Variants in MIA2 observed in about 807,000 individuals in gnomAD.
MIA2 encodes melanoma inhibitory activity protein 2.
Under a neutral mutation model 167.8 loss-of-function variants are expected in MIA2, and 127 were observed. That is an observed-to-expected ratio of 0.76 (90% confidence interval 0.66 to 0.88). The LOEUF is 0.88. MIA2 is among the 40% of genes least tolerant of loss of function. The pLI, the probability that MIA2 is intolerant of heterozygous loss-of-function variation, is 0.00. For missense variants in MIA2, 1,690 were observed against 1,624.7 expected (o/e 1.04, Z -0.69); for synonymous variants, 552 against 541.9 (o/e 1.02, Z -0.26).
At chr14:39,331,134 C>A (rs2068766407) in intron 25 of MIA2, among the ~76,000 whole-genome samples, 2 of 152,024 alleles carry the variant, frequency 1.3e-5, no homozygotes, top group African/African-American at 2.4e-5. Flanking sequence ...TATGAATCTG[C>A]ATGCTCATGT....
At chr14:39,363,806 G>C (rs1165657171) in intron 23 of MIA2, among the ~76,000 whole-genome samples, 4 of 152,142 alleles carry the variant, frequency 2.6e-5, no homozygotes, top group Non-Finnish European at 5.9e-5. Flanking sequence ...CTTAAAGTCT[G>C]TTTTATCTCA....
chr14:39,363,663 A>G (rs1274038700), intron 23 of MIA2, among the ~76,000 whole-genome samples: 3 of 152,122 alleles, frequency 2.0e-5, no homozygotes, highest in Non-Finnish European at 2.9e-5. Flanking sequence ...ATCTAATAAT[A>G]TTTGCTTCAG....
intron 6 of MIA2, among the ~76,000 whole-genome samples, chr14:39,264,751 T>C (rs1316266822): frequency 6.6e-6 from 1 of 152,244 alleles, no homozygotes; most frequent in African/African-American, 2.4e-5. Flanking sequence ...TGACACTGCC[T>C]GTTTAATTAA....
intron 6 of MIA2, among the ~76,000 whole-genome samples, chr14:39,255,440 G>A (rs769800261): frequency 1.1e-4 from 17 of 152,172 alleles, no homozygotes; most frequent in African/African-American, 3.1e-4. Context: ...CCTGGGAAGC[G>A]GAGGTTGCAG....
In MIA2 at chr14:39,328,296, G is replaced by A. The variant is rs966843566; in HGVS notation, c.3655+1274G>A. ...TGAGAAGTGTCTGTTCATATCCTTCGCCCACTTTTTGTTGGGGTTGTTTGC... is the reference window on the plus strand; with the variant it reads ...TGAGAAGTGTCTGTTCATATCCTTCACCCACTTTTTGTTGGGGTTGTTTGC... On this transcript the variant is annotated intron_variant, in intron 25 of 28. Transcript: ENST00000640607. 2.0e-4 allele frequency among the ~76,000 whole-genome samples: 31 copies of A among 152,038 alleles called. 1 individual carries two copies. Among genetic ancestry groups the A allele is most frequent in the Admixed American group, 6.5e-4 (10 of 15,270 alleles).
At chr14:39,296,777 G>GTT (rs970660430) in intron 13 of MIA2, among the ~76,000 whole-genome samples, 1 of 145,574 alleles carries the variant, frequency 6.9e-6, no homozygotes, top group Non-Finnish European at 1.5e-5. Flanking sequence ...TCTTTTTGTT[G>GTT]TTTTTTTTTT....
At chr14:39,369,495 C>T (rs995792926) in intron 23 of MIA2, among the ~76,000 whole-genome samples, 1 of 152,228 alleles carries the variant, frequency 6.6e-6, no homozygotes, top group African/African-American at 2.4e-5. Flanking sequence ...CTTCAGGTTC[C>T]ATCAGGTAGA....
chr14:39,326,058 T>A (rs577536061), intron 24 of MIA2, among the ~76,000 whole-genome samples: 54 of 152,312 alleles, frequency 3.5e-4, no homozygotes, highest in Middle Eastern at 3.4e-3. Flanking sequence ...TCTGTGGTCG[T>A]AAGAAGGGAA....
chr14:39,386,731 C>G, intron 23 of MIA2: 1 of 1,341,316 alleles, frequency 7.5e-7, no homozygotes, highest in South Asian at 1.2e-5. Flanking sequence ...TATTTGTAAT[C>G]TGGTTCAGTT....
chr14:39,362,755 T>C (rs2074714635), intron 23 of MIA2, among the ~76,000 whole-genome samples: 1 of 152,172 alleles, frequency 6.6e-6, no homozygotes, highest in African/African-American at 2.4e-5. Context: ...TTCTGTTTCC[T>C]TGAGGTGCAT....
intron 9 of MIA2, among the ~76,000 whole-genome samples, chr14:39,289,465 G>C (rs2060427529): frequency 6.6e-6 from 1 of 152,072 alleles, no homozygotes; most frequent in African/African-American, 2.4e-5. Flanking sequence ...CCTGTGATCT[G>C]GCCTCCTAAA....
chr14:39,303,864 C>T (rs1182032203), intron 16 of MIA2, among the ~76,000 whole-genome samples: 1 of 151,674 alleles, frequency 6.6e-6, no homozygotes. Flanking sequence ...GCCCTATATC[C>T]TATTTTAAGT....
intron 4 of MIA2, among the ~76,000 whole-genome samples, chr14:39,249,421 C>G (rs377660826): frequency 4.6e-5 from 7 of 152,206 alleles, no homozygotes; most frequent in Admixed American, 1.3e-4. Context: ...GGAATACAGG[C>G]TCAAGGGATC....
intron 23 of MIA2, chr14:39,370,546 A>T: frequency 2.7e-6 from 1 of 370,854 alleles, no homozygotes; most frequent in Non-Finnish European, 5.5e-6. Flanking sequence ...CAGTTGTAGG[A>T]TATGCACCAC....
intron 4 of MIA2, among the ~76,000 whole-genome samples, chr14:39,249,217 T>C (rs965174027): frequency 2.4e-4 from 37 of 152,184 alleles, no homozygotes; most frequent in African/African-American, 8.4e-4. Context: ...CACAGTTCAC[T>C]GCAGTCTCAA....
chr14:39,352,095 C>A (rs939194896), downstream of MIA2, among the ~76,000 whole-genome samples: 1 of 151,910 alleles, frequency 6.6e-6, no homozygotes, highest in Non-Finnish European at 1.5e-5. Flanking sequence ...ATACAATTTC[C>A]CCTTCTTACT....
chr14:39,276,778 A>G, intron 6 of MIA2, 156 bp from the exon 7 acceptor site: 1 of 693,876 alleles, frequency 1.4e-6, no homozygotes, highest in Non-Finnish European at 2.4e-6. Flanking sequence ...GGCGATAGTG[A>G]TTGAAAGTTG....
intron 23 of MIA2, 67 bp downstream of exon 23, chr14:39,319,358 T>C (rs932613464): frequency 1.8e-5 from 13 of 708,158 alleles, no homozygotes; most frequent in South Asian, 1.3e-4. Context: ...ATTGCACATA[T>C]AGTTTCTATT....
chr14:39,282,311 G>T (rs922014175), intron 9 of MIA2, among the ~76,000 whole-genome samples: 1 of 152,114 alleles, frequency 6.6e-6, no homozygotes, highest in African/African-American at 2.4e-5. Context: ...AGAAATTTCA[G>T]ATAACTTTGA....
Sources: allele counts gnomAD v4.1 joint callset (sites outside exome capture counted in the v4.1 genomes callset), GRCh38; gene constraint gnomAD v4.1.1; transcripts MANE v1.5; gene names NCBI Gene and HGNC (gene_info 2026-07-23, HGNC 2026-07-21).